CPA4: variants seen among roughly 807,000 people sequenced by gnomAD.
CPA4 encodes carboxypeptidase A3.
A neutral mutation model predicts 54.7 loss-of-function variants in CPA4; 49 were observed. The ratio of observed to expected loss-of-function variants is 0.90; its 90% CI spans 0.71 to 1.14. The LOEUF is 1.14. Among genes scored for constraint, CPA4 ranks in the 50% most tolerant of loss-of-function variants. The pLI is 0.00. For missense variants in CPA4, 487 were observed against 525.1 expected (o/e 0.93, Z 0.71); for synonymous variants, 215 against 206.8 (o/e 1.04, Z -0.34).
intron 10 of CPA4, among the ~76,000 whole-genome samples, chr7:130,319,001 ACTTCTCAACCT>A (rs1794039757): frequency 6.6e-6 from 1 of 152,176 alleles, no homozygotes; most frequent in Admixed American, 6.5e-5. Flanking sequence ...GGTTAAGTGT[ACTTCTCAACCT>A]CAGTTCGTAT....
intron 5 of CPA4, among the ~76,000 whole-genome samples, chr7:130,305,244 G>A (rs1793801715): frequency 6.6e-6 from 1 of 152,148 alleles, no homozygotes; most frequent in African/African-American, 2.4e-5. Context: ...AGTGGGAGAG[G>A]AGACCTGCCA....
intron 10 of CPA4, among the ~76,000 whole-genome samples, chr7:130,317,489 G>A (rs564613155): frequency 6.6e-6 from 1 of 152,254 alleles, no homozygotes; most frequent in South Asian, 2.1e-4. Flanking sequence ...ATGAGACAGG[G>A]TCTCACTCTC....
rs1794174167 is a variant in CPA4, at chr7:130,323,937, T to TTTG, written c.*1262_*1263insTGT. 1.0e-5 allele frequency: 1 copy of TTTG among 98,098 alleles called. No homozygotes were observed. The highest frequency in any genetic ancestry group is 2.2e-5 in the Non-Finnish European group (1 of 44,542). 6.1% of individuals were successfully genotyped at this position (98,098 alleles called of 1,614,324 possible). On this transcript the variant is annotated 3_prime_UTR_variant, in exon 11 of 11. Transcript: ENST00000222482. Reference sequence around the variant, plus strand: ...TGTGTGTGTGTGTGTGTGTGTGTGTTTGTGTGTGTGTGTCTGTCTATTTTG... The same window carrying TTTG: ...TGTGTGTGTGTGTGTGTGTGTGTGTTTTGTGTGTGTGTGTGTCTGTCTATTTTG...
At position 130,316,692 on chromosome 7, in the gene CPA4, C is replaced by A. The variant is rs188151836; in HGVS notation, c.1078+4570C>A. 7.2e-4 allele frequency among the ~76,000 whole-genome samples: 109 copies of A among 152,188 alleles called. 1 individual carries two copies. The highest frequency in any genetic ancestry group is 6.8e-3 in the Middle Eastern group (2 of 294). Reference sequence around the variant, plus strand: ...TTGGCTCACGCCTGTAATCCTCCCACTTTGGGAGGCCGAGGCGGGTGGATC... The same window carrying A: ...TTGGCTCACGCCTGTAATCCTCCCAATTTGGGAGGCCGAGGCGGGTGGATC... On this transcript the variant is annotated intron_variant, in intron 10 of 10. Transcript: ENST00000222482.
rs369193209 is a variant in CPA4, at chr7:130,308,293, G to T, written c.703-14G>T. 1.9e-6 allele frequency: 3 copies of T among 1,611,900 alleles called. No individual in the cohort carries two copies. In the Admixed American group the frequency reaches 5.0e-5, roughly 27 times the overall value. On this transcript the variant is annotated splice_polypyrimidine_tract_variant and intron_variant, in intron 7 of 10. Coordinates refer to ENST00000222482, the MANE Select transcript of CPA4 (RefSeq NM_016352.4). ...GCCTCTGGTTGTTTGTCCCCTCCTT[G>T]GTGGCTTTTTCAGAACCGATTATGG...
chr7:130,301,071 C>T (rs566907222), intron 4 of CPA4, among the ~76,000 whole-genome samples, 157 bp downstream of exon 4: 1 of 152,298 alleles, frequency 6.6e-6, no homozygotes, highest in Admixed American at 6.5e-5. Context: ...TCTTGGATTG[C>T]TGAACTCCTA....
At position 130,308,635 on chromosome 7, in the gene CPA4, G is replaced by A. The variant is rs150448770; in HGVS notation, c.793+238G>A. On this transcript the variant is annotated intron_variant, in intron 8 of 10. Transcript: ENST00000222482. ...TGCAGTGGCGTGATCTTGGCTCACC[G>A]CGACCTCTGCCTCCTGGGTTCAAGT... 2.0e-4 allele frequency among the ~76,000 whole-genome samples: 29 copies of A among 148,590 alleles called. 1 individual carries two copies. In the East Asian group the frequency reaches 5.6e-3, roughly 29 times the overall value.
intron 10 of CPA4, among the ~76,000 whole-genome samples, chr7:130,320,288 G>A (rs768501265): frequency 6.6e-6 from 1 of 152,166 alleles, no homozygotes; most frequent in Non-Finnish European, 1.5e-5. Context: ...TTAAAGAGTA[G>A]GTAGACTTTC....
rs190025208 is a variant in CPA4, at chr7:130,296,621, C to T, written c.69-2125C>T. Among the ~76,000 whole-genome samples the T allele has an allele frequency of 1.9e-4, 29 of 149,596 alleles. No individual in the cohort carries two copies. In the East Asian group the frequency reaches 5.0e-3, roughly 26 times the overall value. On this transcript the variant is annotated intron_variant, in intron 1 of 10. Transcript: ENST00000222482. ...TGTAGCCAGTGCTGCATTTTACACACGCTTAACTGTGCTAATAAATATGTC... is the reference window on the plus strand; with the variant it reads ...TGTAGCCAGTGCTGCATTTTACACATGCTTAACTGTGCTAATAAATATGTC...
chr7:130,309,184 A>G (rs1425013332), intron 8 of CPA4, among the ~76,000 whole-genome samples: 1 of 152,204 alleles, frequency 6.6e-6, no homozygotes, highest in African/African-American at 2.4e-5. Context: ...GTGATTTTGA[A>G]AGGGAATGAT....
At position 130,310,068 on chromosome 7, in the gene CPA4, C is replaced by T. The variant is rs1287378645; in HGVS notation, c.794-719C>T. Among the ~76,000 whole-genome samples the T allele has an allele frequency of 3.3e-5, 5 of 152,094 alleles. No homozygotes were observed. Among genetic ancestry groups the T allele is most frequent in the South Asian group, 2.1e-4 (1 of 4,826 alleles). On this transcript the variant is annotated intron_variant, in intron 8 of 10. Transcript: ENST00000222482. This position sits in a 1 kb window ranked among gnomAD's most constrained non-coding sequence, Gnocchi z 4.3. ...AGACATGAGGCACTGTGCCCGGCCC[C>T]GATGGTTTGTTTTTAATGTGCTTCT...
At chr7:130,317,725 C>T (rs934042851) in intron 10 of CPA4, among the ~76,000 whole-genome samples, 1 of 152,206 alleles carries the variant, frequency 6.6e-6, no homozygotes. Context: ...TCTCAGCCTC[C>T]CAAAGTGCTG....
At chr7:130,301,039 T>C in intron 4 of CPA4, 125 bp downstream of exon 4, 1 of 666,660 alleles carries the variant, frequency 1.5e-6, no homozygotes, top group South Asian at 1.8e-5. Flanking sequence ...CTAAAATGTG[T>C]ACACTTCAAT....
At chr7:130,311,531 C>A (rs1245368981) in intron 9 of CPA4, among the ~76,000 whole-genome samples, 2 of 151,994 alleles carry the variant, frequency 1.3e-5, no homozygotes, top group Non-Finnish European at 2.9e-5. Context: ...TCCCCCACCC[C>A]CACCCGGCCT....
Position 130,310,616 on chromosome 7 carries a change from C to CA in CPA4, c.794-171_794-170insA, listed in dbSNP as rs2117151917. Among the ~76,000 whole-genome samples the CA allele has an allele frequency of 6.6e-6, 1 of 152,350 alleles. No homozygotes were observed. The highest frequency in any genetic ancestry group is 2.1e-4 in the South Asian group (1 of 4,828). On this transcript the variant is annotated intron_variant, in intron 8 of 10. Coordinates refer to ENST00000222482, the MANE Select transcript of CPA4 (RefSeq NM_016352.4). The surrounding 1 kb of genome is among the most constrained non-coding windows in gnomAD (Gnocchi z 4.3). ...TAGCAGACCCAACACCCAACCCTCC[C>CA]TCTTCCATGCCTTCTCTGCAGTCCA... is the stretch of plus-strand genomic sequence containing the variant.
Position 130,310,700 on chromosome 7 carries a change from C to A in CPA4, c.794-87C>A. 7.8e-7 allele frequency: 1 copy of A among 1,281,370 alleles called. No individual in the cohort carries two copies. Among genetic ancestry groups the A allele is most frequent in the Non-Finnish European group, 1.1e-6 (1 of 891,514 alleles). The allele number at this position is 1,281,370 out of a possible 1,614,324, so 79.4% of individuals were successfully genotyped here. A position where few individuals can be genotyped will look rare whatever the true frequency, so the allele number is the denominator to read the frequency against. The stretch of plus-strand genomic sequence containing the variant: ...CGCCATGGCCTGCCCATTCCCAATA[C>A]CTTCGGCCCCTCTCTAGGTGGAGCG... On this transcript the variant is annotated intron_variant, in intron 8 of 10. Coordinates refer to ENST00000222482, the MANE Select transcript of CPA4 (RefSeq NM_016352.4). The surrounding 1 kb of genome is among the most constrained non-coding windows in gnomAD (Gnocchi z 4.3).
At chr7:130,300,935 T>TA in intron 4 of CPA4, 21 bp downstream of exon 4, 1 of 1,523,044 alleles carries the variant, frequency 6.6e-7, no homozygotes, top group Non-Finnish European at 9.1e-7. Flanking sequence ...CAGAGTGGGT[T>TA]AAGATCAAGG....
chr7:130,293,875 CCGTGTGTGTGTGCG>C (rs1054383051), intron 1 of CPA4, among the ~76,000 whole-genome samples: 5 of 152,048 alleles, frequency 3.3e-5, no homozygotes, highest in South Asian at 2.1e-4. Context: ...TGCCTGAACA[CCGTGTGTGTGTGCG>C]CGTGTGTGTG....
At chr7:130,294,329 C>T (rs1793617143) in intron 1 of CPA4, among the ~76,000 whole-genome samples, 3 of 152,152 alleles carry the variant, frequency 2.0e-5, no homozygotes, top group African/African-American at 7.2e-5. Flanking sequence ...GCTAATGAGA[C>T]TTTGGGGTTG....
Sources: gnomAD v4.1 joint callset for allele counts (sites outside exome capture counted in the v4.1 genomes callset) on GRCh38, gnomAD v4.1.1 for gene constraint, Gnocchi (gnomAD v3.1) non-coding constraint, MANE v1.5 for transcripts, NCBI Gene and HGNC (gene_info 2026-07-23, HGNC 2026-07-21) for gene names.